The following KIAA0825 variants were observed in gnomAD, a reference collection of about 807,000 sequenced individuals.
KIAA0825 encodes uncharacterized protein KIAA0825.
KIAA0825 carries 119 observed loss-of-function variants against 147.6 expected under a neutral mutation model. The observed-to-expected ratio is 0.81, with a 90% confidence interval of 0.69 to 0.94. KIAA0825 has a LOEUF of 0.94. Ranked by LOEUF, KIAA0825 falls within the 40% of genes least tolerant of loss-of-function variation. The probability of loss-of-function intolerance (pLI) is 0.00; values close to 1 mark genes in which losing one functional copy is unlikely to be tolerated. For synonymous variants in KIAA0825, 470 were observed against 518.1 expected (o/e 0.91, Z 1.26); for missense variants, 1,381 against 1,472.7 (o/e 0.94, Z 1.02).
At chr5:94,243,672 T>C (rs142015525) in intron 20 of KIAA0825, among the ~76,000 whole-genome samples, 1 of 152,224 alleles carries the variant, frequency 6.6e-6, no homozygotes, top group Non-Finnish European at 1.5e-5. Flanking sequence ...CTTAGAGTGT[T>C]TCGAAGAGGT....
chr5:94,370,568 A>G (rs1473291583), intron 20 of KIAA0825, among the ~76,000 whole-genome samples: 2 of 152,196 alleles, frequency 1.3e-5, no homozygotes, highest in African/African-American at 4.8e-5. Flanking sequence ...GTTAAATTCT[A>G]TATTTACATT....
At chr5:94,414,838 T>C (rs1251943871) in intron 15 of KIAA0825, 2 of 152,216 alleles carry the variant, frequency 1.3e-5, no homozygotes, top group Non-Finnish European at 2.9e-5. Flanking sequence ...CAGAAGCATG[T>C]TAGATTCTCA....
chr5:94,154,199 AAT>A, intron 20 of KIAA0825, 75 bp from the exon 21 acceptor site: 1 of 909,830 alleles, frequency 1.1e-6, no homozygotes, highest in South Asian at 1.4e-5. Flanking sequence ...TCAAGTCTTG[AAT>A]ATGTAATCTT....
chr5:94,270,714 G>T (rs945608070), intron 20 of KIAA0825, among the ~76,000 whole-genome samples: 6 of 151,974 alleles, frequency 3.9e-5, no homozygotes, highest in Non-Finnish European at 7.4e-5. Context: ...TGAAAGTAAG[G>T]ATAACTCATT....
intron 1 of KIAA0825, among the ~76,000 whole-genome samples, chr5:94,612,353 C>G (rs1789066581): frequency 3.9e-5 from 6 of 152,180 alleles, no homozygotes; most frequent in Admixed American, 3.9e-4. Flanking sequence ...TGGGATTCCT[C>G]TAATACATGA....
intron 20 of KIAA0825, among the ~76,000 whole-genome samples, chr5:94,287,135 G>A (rs1777694130): frequency 6.6e-6 from 1 of 152,134 alleles, no homozygotes; most frequent in African/African-American, 2.4e-5. Context: ...ATGAGTTAAT[G>A]TATATAAAGT....
intron 12 of KIAA0825, among the ~76,000 whole-genome samples, chr5:94,455,554 T>TG (rs565780926): frequency 1.3e-3 from 198 of 152,140 alleles, no homozygotes; most frequent in African/African-American, 4.6e-3. Flanking sequence ...AGGAGATGTT[T>TG]GGGGGAAGGA....
At chr5:94,507,461 C>G (rs112575008) in intron 5 of KIAA0825, among the ~76,000 whole-genome samples, 4 of 151,294 alleles carry the variant, frequency 2.6e-5, no homozygotes, top group Non-Finnish European at 5.9e-5. Flanking sequence ...CCCCGCCCCC[C>G]CCAAAAAAAC....
At chr5:94,208,481 C>T (rs1772406055) in intron 20 of KIAA0825, among the ~76,000 whole-genome samples, 1 of 152,206 alleles carries the variant, frequency 6.6e-6, no homozygotes, top group Non-Finnish European at 1.5e-5. Context: ...CAGACATGAG[C>T]CTCACAGAGT....
intron 20 of KIAA0825, among the ~76,000 whole-genome samples, chr5:94,156,869 G>A (rs778362014): frequency 7.9e-5 from 12 of 152,074 alleles, no homozygotes; most frequent in Non-Finnish European, 1.6e-4. Context: ...TTTGAAATGT[G>A]TATTTATCAC....
chr5:94,352,548 A>T (rs1027397719), intron 20 of KIAA0825, among the ~76,000 whole-genome samples: 1 of 152,220 alleles, frequency 6.6e-6, no homozygotes, highest in Admixed American at 6.5e-5. Context: ...CTACCATTTG[A>T]TCCAGCAATC....
rs80332948 is a variant in KIAA0825 at position 94,221,809 on chromosome 5, C to T, written c.3711-67685G>A. ...AATACAGAGGTCTCTGTCTTTATCT[C>T]CTTCCCCAAAGAACCTTGTCTTTTC... On this transcript the variant is annotated intron_variant, in intron 20 of 20. Coordinates refer to ENST00000682413, the MANE Select transcript of KIAA0825 (RefSeq NM_001145678.3). 2.0e-5 allele frequency among the ~76,000 whole-genome samples: 3 copies of T among 152,272 alleles called. No homozygotes were observed. The East Asian group carries it at 5.8e-4, about 29-fold the overall frequency.
intron 20 of KIAA0825, among the ~76,000 whole-genome samples, chr5:94,266,031 G>C (rs1376384542): frequency 3.9e-5 from 6 of 152,174 alleles, no homozygotes; most frequent in Non-Finnish European, 5.9e-5. Flanking sequence ...GAAGGCTGAA[G>C]TAGCCACTTT....
intron 15 of KIAA0825, among the ~76,000 whole-genome samples, chr5:94,407,265 C>T (rs1051987679): frequency 6.6e-6 from 1 of 152,134 alleles, no homozygotes; most frequent in Non-Finnish European, 1.5e-5. Flanking sequence ...ATGTAAAAGG[C>T]GAAGGCAGAG....
At chr5:94,281,398 T>C (rs1777459623) in intron 20 of KIAA0825, among the ~76,000 whole-genome samples, 1 of 152,142 alleles carries the variant, frequency 6.6e-6, no homozygotes, top group Admixed American at 6.6e-5. Context: ...GTTTTCCAAG[T>C]TGGCCACACA....
intron 5 of KIAA0825, chr5:94,519,467 A>G (rs1418288353): frequency 1.1e-6 from 1 of 879,384 alleles, no homozygotes; most frequent in Non-Finnish European, 1.4e-6. Context: ...GTACAACCAC[A>G]ATAAGAAAAG....
chr5:94,482,300 G>A (rs1038274405), intron 6 of KIAA0825, among the ~76,000 whole-genome samples: 2 of 151,972 alleles, frequency 1.3e-5, no homozygotes, highest in Admixed American at 6.6e-5. Flanking sequence ...TTCTCTATGT[G>A]ATGTTAAGTG....
At chr5:94,581,917 C>A (rs1225252238) in intron 2 of KIAA0825, among the ~76,000 whole-genome samples, 1 of 152,170 alleles carries the variant, frequency 6.6e-6, no homozygotes, top group African/African-American at 2.4e-5. Context: ...TTTGACTGAA[C>A]TTGTCACAGT....
At chr5:94,255,374 G>C (rs2125887) in intron 20 of KIAA0825, among the ~76,000 whole-genome samples, 20,166 of 151,762 alleles carry the variant, frequency 0.13, 1,573 homozygotes, top group East Asian at 0.22. Flanking sequence ...AGGCCTTACA[G>C]AGATGACATA....
Sources: gnomAD v4.1 joint callset for allele counts (sites outside exome capture counted in the v4.1 genomes callset) on GRCh38, gnomAD v4.1.1 for gene constraint, MANE v1.5 for transcripts, NCBI Gene and HGNC (gene_info 2026-07-23, HGNC 2026-07-21) for gene names.